The following CCDC178 variants were observed in gnomAD, a reference collection of about 807,000 sequenced individuals.
CCDC178 encodes coiled-coil domain containing 178, also known as coiled-coil domain-containing protein 178.
A neutral mutation model predicts 117.4 loss-of-function variants in CCDC178; 126 were observed. The ratio of observed to expected loss-of-function variants is 1.07; its 90% CI spans 0.93 to 1.24. The LOEUF is 1.24. Among genes scored for constraint, CCDC178 ranks in the 50% most tolerant of loss-of-function variants. The pLI is 0.00. For missense variants in CCDC178, 1,030 were observed against 986.9 expected, an observed-to-expected ratio of 1.04 and a Z score of -0.59; for synonymous variants, 283 against 313.4, an observed-to-expected ratio of 0.90 and a Z score of 1.02.
chr18:33,139,247 C>A (rs1195134034), intron 20 of CCDC178, among the ~76,000 whole-genome samples: 1 of 152,188 alleles, frequency 6.6e-6, no homozygotes, highest in Non-Finnish European at 1.5e-5. Flanking sequence ...TCTAGTATGT[C>A]TTTGTCAGCA....
chr18:33,220,662 T>C (rs1005686836), intron 18 of CCDC178, among the ~76,000 whole-genome samples: 3 of 152,132 alleles, frequency 2.0e-5, no homozygotes, highest in Non-Finnish European at 2.9e-5. Flanking sequence ...TGAAATGATC[T>C]GAGCCGTGTG....
chr18:33,128,910 T>G (rs575314680), intron 20 of CCDC178, among the ~76,000 whole-genome samples: 1 of 152,100 alleles, frequency 6.6e-6, no homozygotes, highest in Non-Finnish European at 1.5e-5. Flanking sequence ...CTAAATGAAG[T>G]CATCAGTAAC....
intron 9 of CCDC178, among the ~76,000 whole-genome samples, chr18:33,342,779 A>C (rs1369324560): frequency 6.6e-6 from 1 of 152,210 alleles, no homozygotes; most frequent in East Asian, 1.9e-4. Context: ...TTATTGTTGT[A>C]AGCCACTGAG....
intron 21 of CCDC178, among the ~76,000 whole-genome samples, chr18:33,022,564 A>G (rs1701361707): frequency 6.6e-6 from 1 of 152,180 alleles, no homozygotes; most frequent in Non-Finnish European, 1.5e-5. Context: ...TTCAGCAACC[A>G]CTAGTAAAGC....
At chr18:33,000,828 T>A (rs2055615509) in intron 21 of CCDC178, among the ~76,000 whole-genome samples, 1 of 152,208 alleles carries the variant, frequency 6.6e-6, no homozygotes, top group South Asian at 2.1e-4. Context: ...AAGGAAGTAC[T>A]TCAATCTGAA....
At chr18:33,270,763 C>G (rs1463727502) in intron 12 of CCDC178, among the ~76,000 whole-genome samples, 4 of 151,374 alleles carry the variant, frequency 2.6e-5, no homozygotes, top group Non-Finnish European at 1.5e-5. Context: ...GAATGCTAGA[C>G]AGTAACTTGA....
chr18:33,057,677 T>C (rs1032438080), intron 21 of CCDC178, among the ~76,000 whole-genome samples: 3 of 152,118 alleles, frequency 2.0e-5, no homozygotes, highest in East Asian at 3.9e-4. Flanking sequence ...ATTTTTTTAG[T>C]AGAGAAAGGT....
chr18:33,367,403 C>CT (rs1474622084), intron 6 of CCDC178, among the ~76,000 whole-genome samples: 1 of 152,032 alleles, frequency 6.6e-6, no homozygotes, highest in Non-Finnish European at 1.5e-5. Flanking sequence ...ATATTAGATG[C>CT]TATTAGCTTT....
chr18:33,184,421 A>C (rs1244581314), intron 20 of CCDC178, among the ~76,000 whole-genome samples: 1 of 152,006 alleles, frequency 6.6e-6, no homozygotes, highest in African/African-American at 2.4e-5. Flanking sequence ...AGATATGAGG[A>C]ATAAGCAATG....
At chr18:33,409,852 A>G (rs938147357) in intron 3 of CCDC178, among the ~76,000 whole-genome samples, 1 of 152,184 alleles carries the variant, frequency 6.6e-6, no homozygotes, top group Non-Finnish European at 1.5e-5. Flanking sequence ...ACTTAAATAC[A>G]AAAGTCCTAA....
intron 10 of CCDC178, among the ~76,000 whole-genome samples, chr18:33,326,449 G>A (rs1019515434): frequency 1.3e-5 from 2 of 152,148 alleles, no homozygotes; most frequent in African/African-American, 4.8e-5. Flanking sequence ...AACACACTGT[G>A]TACTCTAAGG....
chr18:33,073,638 T>C (rs192087457), intron 21 of CCDC178, among the ~76,000 whole-genome samples: 156 of 152,226 alleles, frequency 1.0e-3, no homozygotes, highest in African/African-American at 3.5e-3. Context: ...TGCATAAACA[T>C]TTTGTTAGAT....
intron 21 of CCDC178, among the ~76,000 whole-genome samples, chr18:33,026,655 T>C (rs989937014): frequency 4.0e-5 from 6 of 151,898 alleles, no homozygotes; most frequent in African/African-American, 1.4e-4. Flanking sequence ...GCAGTAGCTA[T>C]GGATTGATAA....
intron 22 of CCDC178, among the ~76,000 whole-genome samples, chr18:32,949,556 T>C (rs1399929171): frequency 2.0e-5 from 3 of 152,174 alleles, no homozygotes; most frequent in African/African-American, 7.2e-5. Context: ...TCTCAGGCAT[T>C]GTAAGCTTTA....
chr18:33,297,536 T>C (rs570030832), intron 11 of CCDC178, among the ~76,000 whole-genome samples: 53 of 152,294 alleles, frequency 3.5e-4, no homozygotes, highest in African/African-American at 1.2e-3. Flanking sequence ...TAGAGATTAC[T>C]ATAAACAATT....
chr18:33,064,089 C>A (rs1356031770), intron 21 of CCDC178, among the ~76,000 whole-genome samples: 2 of 152,176 alleles, frequency 1.3e-5, no homozygotes, highest in Non-Finnish European at 2.9e-5. Context: ...ACTAAATGTG[C>A]AGATATTAAT....
intron 3 of CCDC178, among the ~76,000 whole-genome samples, chr18:33,407,464 C>A (rs1258870094): frequency 6.6e-6 from 1 of 151,842 alleles, no homozygotes; most frequent in African/African-American, 2.4e-5. Context: ...AGCAAAATAA[C>A]AACAAAAACC....
chr18:33,228,346 TAG>T (rs1469007652), intron 15 of CCDC178, among the ~76,000 whole-genome samples: 5 of 152,220 alleles, frequency 3.3e-5, no homozygotes, highest in Admixed American at 2.6e-4. Flanking sequence ...AATTGTCAAC[TAG>T]TGAGAAAGCA....
chr18:33,230,663 C>T (rs779206615), intron 15 of CCDC178, among the ~76,000 whole-genome samples: 34 of 152,074 alleles, frequency 2.2e-4, no homozygotes, highest in Non-Finnish European at 5.0e-4. Flanking sequence ...GGGCCCATTA[C>T]AACGTCACAA....
Sources: gnomAD v4.1 joint callset for allele counts (sites outside exome capture counted in the v4.1 genomes callset) on GRCh38, gnomAD v4.1.1 for gene constraint, MANE v1.5 for transcripts, NCBI Gene and HGNC (gene_info 2026-07-23, HGNC 2026-07-21) for gene names.